Variants in NFATC3 observed in about 807,000 individuals in gnomAD.
The protein encoded by NFATC3 is nuclear factor of activated T-cells, cytoplasmic 3.
Under a neutral mutation model 98.6 loss-of-function variants are expected in NFATC3, and 46 were observed. The observed-to-expected ratio is 0.47, with a 90% CI of 0.37 to 0.60. The LOEUF is 0.60. Ranked by LOEUF, NFATC3 falls within the 20% of genes least tolerant of loss-of-function variation. The pLI is 0.00. For missense variants in NFATC3, 1,256 were observed against 1,295.5 expected, an observed-to-expected ratio of 0.97 and a Z score of 0.47; for synonymous variants, 512 against 472.2, an observed-to-expected ratio of 1.08 and a Z score of -1.09.
chr16:68,155,483 C>G (rs567297617), intron 3 of NFATC3, among the ~76,000 whole-genome samples: 2 of 152,166 alleles, frequency 1.3e-5, no homozygotes, highest in Non-Finnish European at 2.9e-5. Context: ...GCATAGAGAA[C>G]TCCTCATAGA....
At chr16:68,206,236 A>G (rs2041138824) in intron 9 of NFATC3, among the ~76,000 whole-genome samples, 1 of 152,254 alleles carries the variant, frequency 6.6e-6, no homozygotes, top group African/African-American at 2.4e-5. Context: ...GAGAAAATCC[A>G]AAGTTTGTTT....
intron 1 of NFATC3, among the ~76,000 whole-genome samples, chr16:68,096,035 T>G (rs1351169638): frequency 6.6e-6 from 1 of 152,240 alleles, no homozygotes; most frequent in African/African-American, 2.4e-5. Flanking sequence ...TTGCCCAGGC[T>G]GGAGTTCAGT....
At chr16:68,151,275 A>G (rs2038305983) in intron 3 of NFATC3, among the ~76,000 whole-genome samples, 1 of 152,080 alleles carries the variant, frequency 6.6e-6, no homozygotes, top group Non-Finnish European at 1.5e-5. Context: ...ATGCTTGATA[A>G]TGACTATAGA....
intron 1 of NFATC3, among the ~76,000 whole-genome samples, chr16:68,112,152 A>G (rs1358380399): frequency 1.3e-5 from 2 of 151,544 alleles, no homozygotes; most frequent in Non-Finnish European, 2.9e-5. Flanking sequence ...CTGAATTTGA[A>G]TGGTGGCCTA....
At chr16:68,114,251 T>G (rs1049587595) in intron 1 of NFATC3, among the ~76,000 whole-genome samples, 5 of 152,132 alleles carry the variant, frequency 3.3e-5, no homozygotes, top group African/African-American at 1.2e-4. Context: ...CCTAGCTCTG[T>G]GTGGATCACA....
intron 1 of NFATC3, among the ~76,000 whole-genome samples, chr16:68,108,106 T>A (rs922565744): frequency 9.2e-5 from 14 of 152,198 alleles, no homozygotes; most frequent in Non-Finnish European, 1.9e-4. Flanking sequence ...TTTGCTTTTG[T>A]TGGCAATTGC....
In NFATC3 at chr16:68,215,289, G is replaced by A. The variant is rs1776680902; in HGVS notation, c.3107-11061G>A. Among the ~76,000 whole-genome samples, 5 of 152,170 alleles carry A rather than the reference G, an allele frequency of 3.3e-5. No homozygotes were observed. The South Asian group carries it at 1.0e-3, about 32-fold the overall frequency. Reference sequence around the variant, plus strand: ...TCACATCATTCTTGTCCAACCATGAGAGGAGTGGTGACTTAATTCCTGCAT... The same window carrying A: ...TCACATCATTCTTGTCCAACCATGAAAGGAGTGGTGACTTAATTCCTGCAT... On this transcript the variant is annotated intron_variant, in intron 9 of 9. Transcript: ENST00000346183.
intron 9 of NFATC3, among the ~76,000 whole-genome samples, chr16:68,214,586 G>T (rs1178068272): frequency 6.6e-6 from 1 of 152,096 alleles, no homozygotes; most frequent in Non-Finnish European, 1.5e-5. Flanking sequence ...TTGACTAAAA[G>T]ACTCTGCTTT....
chr16:68,122,943 A>G lies in NFATC3; in HGVS notation c.1060A>G (p.Lys354Glu). The part of the protein sequence containing the change: ...SEDQAAILPG[K>E]LELCSDDQGS... Reference sequence around the variant, plus strand: ...AGATCAAGCTGCCATACTACCAGGAAAATTAGAGCTGTGTTCAGATGACCA... The same window carrying G: ...AGATCAAGCTGCCATACTACCAGGAGAATTAGAGCTGTGTTCAGATGACCA... The change falls in exon 2 of 10, where the codon AAA becomes GAA. Residue 354 changes from lysine to glutamate, a missense_variant. Lys to Glu is a moderately conservative substitution (Grantham distance 56). Around this residue, in one of 3 missense-constraint regions of NFATC3, gnomAD observed 464 missense variants for 465.7 expected, o/e 1.00. Transcript: ENST00000346183. 1 of 1,614,216 alleles carries G rather than the reference A, an allele frequency of 6.2e-7. No homozygotes were observed. The highest frequency in any genetic ancestry group is 8.5e-7 in the Non-Finnish European group (1 of 1,180,036).
intron 1 of NFATC3, among the ~76,000 whole-genome samples, chr16:68,118,173 T>C (rs2036389223): frequency 6.6e-6 from 1 of 152,214 alleles, no homozygotes; most frequent in Non-Finnish European, 1.5e-5. Context: ...CTTTCTTTGC[T>C]TGCTGGTTCC....
intron 9 of NFATC3, chr16:68,192,323 A>G (rs2151116089): frequency 7.1e-6 from 1 of 140,616 alleles, no homozygotes; most frequent in South Asian, 2.2e-4. Context: ...GTATGTGTAT[A>G]TATATATATA....
At chr16:68,094,813 A>T (rs1294164401) in intron 1 of NFATC3, among the ~76,000 whole-genome samples, 1 of 152,136 alleles carries the variant, frequency 6.6e-6, no homozygotes, top group African/African-American at 2.4e-5. Context: ...TTACATTTGG[A>T]TTGATATTTG....
intron 2 of NFATC3, among the ~76,000 whole-genome samples, 199 bp downstream of exon 2, chr16:68,123,320 A>G (rs2036646123): frequency 6.6e-6 from 1 of 152,102 alleles, no homozygotes; most frequent in African/African-American, 2.4e-5. Flanking sequence ...GGTTAAATAT[A>G]ATTTTAAAAT....
At chr16:68,215,938 C>T (rs899887847) in intron 9 of NFATC3, among the ~76,000 whole-genome samples, 11 of 152,022 alleles carry the variant, frequency 7.2e-5, no homozygotes, top group African/African-American at 2.4e-4. Context: ...CTGTGTTAGC[C>T]AGGATGGTCT....
intron 9 of NFATC3, among the ~76,000 whole-genome samples, chr16:68,216,020 G>T (rs146980965): frequency 6.6e-6 from 1 of 152,054 alleles, no homozygotes; most frequent in Non-Finnish European, 1.5e-5. Flanking sequence ...GAGCCACCGC[G>T]CTGGCCCAGA....
rs761812340 is a variant in NFATC3, at chr16:68,138,649, T to TA, written c.1401+12040dup. ...GAAATTACTATCAATCATCACCACT[T>TA]ACAATTTTTTGGCTACAAGTAGTCA... On this transcript the variant is annotated intron_variant, in intron 3 of 9. Coordinates refer to ENST00000346183, the MANE Select transcript of NFATC3 (RefSeq NM_173165.3). 6 of 1,288,778 alleles carry TA rather than the reference T, an allele frequency of 4.7e-6. No individual in the cohort carries two copies. The East Asian group carries it at 1.7e-4, about 36-fold the overall frequency. The allele number at this position is 1,288,778 out of a possible 1,614,324, so 79.8% of individuals were successfully genotyped here.
At chr16:68,146,960 A>G (rs2038069563) in intron 3 of NFATC3, among the ~76,000 whole-genome samples, 1 of 152,236 alleles carries the variant, frequency 6.6e-6, no homozygotes, top group Non-Finnish European at 1.5e-5. Flanking sequence ...ATAATAGTCT[A>G]ATTAGTTTAT....
chr16:68,207,696 A>T (rs1055681218), intron 9 of NFATC3, among the ~76,000 whole-genome samples: 1 of 152,172 alleles, frequency 6.6e-6, no homozygotes, highest in African/African-American at 2.4e-5. Context: ...TTCTGACCTC[A>T]GGTCACCCAC....
At chr16:68,210,725 T>TGTTA (rs1241170540) in intron 9 of NFATC3, among the ~76,000 whole-genome samples, 4 of 152,130 alleles carry the variant, frequency 2.6e-5, no homozygotes, top group Admixed American at 6.6e-5. Context: ...TGCTGAATTG[T>TGTTA]GTTAGTGTTT....
Sources: gnomAD v4.1 joint callset for allele counts (sites outside exome capture counted in the v4.1 genomes callset) on GRCh38, gnomAD v4.1.1 for gene constraint, gnomAD v4.1.1 regional missense constraint, MANE v1.5 for transcripts, NCBI Gene and HGNC (gene_info 2026-07-23, HGNC 2026-07-21) for gene names.